The following POU2F2 variants were observed in gnomAD, a reference collection of about 807,000 sequenced individuals.
POU2F2 encodes POU domain, class 2, transcription factor 2.
POU2F2 carries 14 observed loss-of-function variants against 63.5 expected under a neutral mutation model. That is an observed-to-expected ratio of 0.22 (90% confidence interval 0.15 to 0.34). POU2F2 has a LOEUF of 0.34. POU2F2 is among the 10% of genes least tolerant of loss of function. POU2F2 has a pLI of 1.00. For missense variants in POU2F2, 607 were observed against 815.2 expected (o/e 0.74, Z 3.11); for synonymous variants, 306 against 348.6 (o/e 0.88, Z 1.36).
chr19:42,096,530 G>C lies in POU2F2; in HGVS notation c.568-287C>G, dbSNP rs1395894124. Among the ~76,000 whole-genome samples, 1 of 152,216 alleles carries C rather than the reference G, an allele frequency of 6.6e-6. No homozygotes were observed. The highest frequency in any genetic ancestry group is 6.5e-5 in the Admixed American group (1 of 15,288). ...TGCGAACTCCCAGAAGGAGCAGCCA[G>C]CTTTTTGTGCCAGGGCTCTTTCCCT... On this transcript the variant is annotated intron_variant, in intron 7 of 14. Coordinates refer to ENST00000692977, the MANE Select transcript of POU2F2 (RefSeq NM_001394376.1). This position sits in a 1 kb window ranked among gnomAD's most constrained non-coding sequence, Gnocchi z 4.1.
chr19:42,173,949 C>T (rs904814095), intron 1 of POU2F2, among the ~76,000 whole-genome samples: 4 of 152,194 alleles, frequency 2.6e-5, no homozygotes, highest in Non-Finnish European at 5.9e-5. Flanking sequence ...CGGCTTTACT[C>T]CTGGCCTGCC....
At chr19:42,176,790 C>T (rs1435542732), upstream of POU2F2, among the ~76,000 whole-genome samples, 19 of 151,464 alleles carry the variant, frequency 1.3e-4, no homozygotes, top group Non-Finnish European at 1.0e-4. Context: ...GAGAGGGAGG[C>T]GAGAGGGCCG....
upstream of POU2F2, among the ~76,000 whole-genome samples, chr19:42,180,365 T>C (rs760799621): frequency 3.4e-4 from 51 of 152,040 alleles, no homozygotes; most frequent in Non-Finnish European, 2.6e-4. Context: ...GTCCCAATAG[T>C]GAGGAGAGAA....
chr19:42,104,678 T>C (rs1437214983), intron 5 of POU2F2, among the ~76,000 whole-genome samples: 1 of 152,162 alleles, frequency 6.6e-6, no homozygotes, highest in Non-Finnish European at 1.5e-5. Flanking sequence ...GGATATTTGC[T>C]TGGGTATGCA....
chr19:42,117,398 C>T lies in POU2F2; in HGVS notation c.221G>A (p.Trp74Ter), dbSNP rs1308938505. 6.8e-7 allele frequency: 1 copy of T among 1,470,668 alleles called. No homozygotes were observed. Among genetic ancestry groups the T allele is most frequent in the Non-Finnish European group, 9.2e-7 (1 of 1,085,536 alleles). 91.1% of individuals were successfully genotyped at this position (1,470,668 alleles called of 1,614,324 possible). A position where few individuals can be genotyped will look rare whatever the true frequency, so the allele number is the denominator to read the frequency against. Residue 74 changes from tryptophan (W) to a stop codon, truncating the protein, a stop_gained, in exon 5 of 15, where the codon TGG becomes TAG. Coordinates refer to ENST00000692977, the MANE Select transcript of POU2F2 (RefSeq NM_001394376.1). LOFTEE classifies it high-confidence loss of function. This position sits in a 1 kb window ranked among gnomAD's most constrained non-coding sequence, Gnocchi z 4.4. The stretch of plus-strand genomic sequence containing the variant: ...GGGAGAGAGGCAGGGTCCGGGACCC[C>T]AGAATGTTAAGTGGAGGCCAGAGAG... ...GILSGLHLTF[W>*]GPGPCLSPPQ...
chr19:42,133,442 T>C (rs1168737443), upstream of POU2F2: 1 of 154,642 alleles, frequency 6.5e-6, no homozygotes, highest in Non-Finnish European at 1.5e-5. This position sits in a 1 kb window ranked among gnomAD's most constrained non-coding sequence, Gnocchi z 5.1. Context: ...CCTCTTCCTC[T>C]TGGTGCCCGA....
At chr19:42,098,432 A>G (rs1293003537) in intron 7 of POU2F2, among the ~76,000 whole-genome samples, 1 of 151,820 alleles carries the variant, frequency 6.6e-6, no homozygotes, top group African/African-American at 2.4e-5. Flanking sequence ...AAAAAAAACA[A>G]AAAGAAAGAA....
intron 5 of POU2F2, among the ~76,000 whole-genome samples, chr19:42,107,620 C>A (rs2030333787): frequency 6.6e-6 from 1 of 152,094 alleles, no homozygotes; most frequent in South Asian, 2.1e-4. Flanking sequence ...TGTCTGTTGT[C>A]TATATTCATG....
chr19:42,094,576 C>T (rs1365364317), intron 11 of POU2F2, among the ~76,000 whole-genome samples: 1 of 152,168 alleles, frequency 6.6e-6, no homozygotes, highest in African/African-American at 2.4e-5. Flanking sequence ...GGGGTACATG[C>T]CCCCACTCCT....
At position 42,153,422 on chromosome 19, in the gene POU2F2, G is replaced by A. The variant is rs2034393513; in HGVS notation, c.-9+6910C>T. Among the ~76,000 whole-genome samples, 1 of 152,128 alleles carries A rather than the reference G, an allele frequency of 6.6e-6. No homozygotes were observed. Among genetic ancestry groups the A allele is most frequent in the Admixed American group, 6.5e-5 (1 of 15,288 alleles). ...GGATCTCCTCTGTCCCCAGTTAATG[G>A]GGTAGCTATGTGTTCCCATGTGCTC... On this transcript the variant is annotated intron_variant, in intron 2 of 6. Transcript: ENST00000524801. The surrounding 1 kb of genome is among the most constrained non-coding windows in gnomAD (Gnocchi z 5.6).
intron 4 of POU2F2, among the ~76,000 whole-genome samples, chr19:42,119,151 A>T (rs1162541749): frequency 7.0e-6 from 1 of 142,878 alleles, no homozygotes; most frequent in Non-Finnish European, 1.5e-5. Flanking sequence ...GAGAGAGGTT[A>T]AAAAAAAAAA....
chr19:42,183,480 T>C (rs1307363042), intron 1 of POU2F2, among the ~76,000 whole-genome samples: 38 of 152,142 alleles, frequency 2.5e-4, no homozygotes, highest in Admixed American at 2.4e-3. Flanking sequence ...CTTTTTAGGG[T>C]AATGGAAATG....
At chr19:42,179,129 G>A (rs547784071), upstream of POU2F2, among the ~76,000 whole-genome samples, 171 of 152,256 alleles carry the variant, frequency 1.1e-3, 1 homozygote, top group Non-Finnish European at 1.8e-3. Flanking sequence ...CCAGGTAAAG[G>A]AGGAAGGGAC....
At chr19:42,093,788 A>T in intron 12 of POU2F2, 41 bp downstream of exon 12, 3 of 1,571,538 alleles carry the variant, frequency 1.9e-6, no homozygotes, top group Non-Finnish European at 2.6e-6. Flanking sequence ...CCTGTGCCAC[A>T]TCCTCCCAGT....
chr19:42,180,942 C>G (rs2034953483), upstream of POU2F2, among the ~76,000 whole-genome samples: 1 of 151,790 alleles, frequency 6.6e-6, no homozygotes, highest in African/African-American at 2.4e-5. Flanking sequence ...GTTCCCCAGG[C>G]TAAAGCACCA....
chr19:42,122,052 G>C (rs769668464), intron 4 of POU2F2, 74 bp downstream of exon 4: 23 of 1,451,840 alleles, frequency 1.6e-5, no homozygotes, highest in Non-Finnish European at 2.0e-5. Flanking sequence ...CTCAGCCCTT[G>C]GACTGAGGCA....
At chr19:42,161,576 G>A (rs1177795765) in intron 1 of POU2F2, among the ~76,000 whole-genome samples, 1 of 152,010 alleles carries the variant, frequency 6.6e-6, no homozygotes, top group Admixed American at 6.6e-5. Flanking sequence ...GATGGACTGA[G>A]AAGGAGGGGG....
chr19:42,136,065 C>T (rs1480276495), upstream of POU2F2, among the ~76,000 whole-genome samples: 2 of 152,128 alleles, frequency 1.3e-5, no homozygotes, highest in Non-Finnish European at 2.9e-5. Context: ...GCTTCTCCAG[C>T]AGCCCTAAGT....
In POU2F2 at chr19:42,096,236, G is replaced by C; in HGVS notation, c.575C>G (p.Thr192Ser). ...PRAGLPTQAV[T>S]RPTLPDPHLS... is the part of the protein sequence containing the mutation. Reference sequence around the variant, plus strand: ...GTGCGGGTCGGGCAGCGTAGGGCGGGTCACGGCCTGGTGGGGTGGGCAGGT... The same window carrying C: ...GTGCGGGTCGGGCAGCGTAGGGCGGCTCACGGCCTGGTGGGGTGGGCAGGT... Residue 192 changes from threonine to serine, a missense_variant, in exon 8 of 15, where the codon ACC (threonine) becomes AGC (serine). By Grantham distance (58) the Thr-to-Ser change is moderately conservative. Transcript: ENST00000692977. This position sits in a 1 kb window ranked among gnomAD's most constrained non-coding sequence, Gnocchi z 4.1. 6.4e-7 allele frequency: 1 copy of C among 1,573,282 alleles called. No homozygotes were observed. Among genetic ancestry groups the C allele is most frequent in the African/African-American group, 1.3e-5 (1 of 74,226 alleles).
Sources: allele counts gnomAD v4.1 joint callset (sites outside exome capture counted in the v4.1 genomes callset), GRCh38; gene constraint gnomAD v4.1.1; non-coding constraint Gnocchi (gnomAD v3.1); transcripts MANE v1.5; gene names NCBI Gene and HGNC (gene_info 2026-07-23, HGNC 2026-07-21).